The following PCDH11X variants were observed in gnomAD, a reference collection of about 807,000 sequenced individuals.
The protein encoded by PCDH11X is protocadherin 11 X-linked.
Under a neutral mutation model 53.3 loss-of-function variants are expected in PCDH11X, and 18 were observed. The ratio of observed to expected loss-of-function variants is 0.34; its 90% CI spans 0.23 to 0.50. PCDH11X has a LOEUF of 0.50. Among genes scored for constraint, PCDH11X ranks in the 20% least tolerant of loss-of-function variants. The pLI is 0.98. For missense variants in PCDH11X, 570 were observed against 1,032.4 expected (o/e 0.55, Z 6.14); for synonymous variants, 279 against 393.3 (o/e 0.71, Z 3.44).
intron 6 of PCDH11X, among the ~76,000 whole-genome samples, chrX:91,903,275 C>T (rs1201867843): frequency 2.7e-5 from 3 of 111,591 alleles, no homozygotes; most frequent in Non-Finnish European, 5.6e-5. Flanking sequence ...TCTTGTTTCA[C>T]TCAAGTCAGC....
intron 7 of PCDH11X, among the ~76,000 whole-genome samples, chrX:92,211,227 A>G (rs2066579635): frequency 9.0e-6 from 1 of 111,710 alleles, no homozygotes; most frequent in Non-Finnish European, 1.9e-5. Context: ...ATTTACAATC[A>G]TGGCAGAAAG....
chrX:91,965,416 T>C (rs1480619153), intron 6 of PCDH11X, among the ~76,000 whole-genome samples: 2 of 110,666 alleles, frequency 1.8e-5, no homozygotes, highest in Non-Finnish European at 3.8e-5. Context: ...TTGACTTCTT[T>C]TTTTTCCTTT....
intron 5 of PCDH11X, among the ~76,000 whole-genome samples, chrX:91,843,643 T>G (rs1937567031): frequency 9.0e-6 from 1 of 110,550 alleles, no homozygotes; most frequent in Non-Finnish European, 1.9e-5. Context: ...TAAGAACATT[T>G]TATCTTAAAT....
chrX:92,138,216 A>T (rs1054740537), intron 6 of PCDH11X, among the ~76,000 whole-genome samples: 24 of 110,405 alleles, frequency 2.2e-4, no homozygotes, highest in Admixed American at 7.8e-4. Context: ...ATAGTATTCC[A>T]TGGTGGATAT....
chrX:92,207,301 T>C (rs1033224065), intron 7 of PCDH11X, among the ~76,000 whole-genome samples: 5 of 111,641 alleles, frequency 4.5e-5, no homozygotes, highest in African/African-American at 1.6e-4. Context: ...CATGGAATTC[T>C]TATTTTTTTG....
chrX:92,148,132 T>TCC (rs2065353213), intron 6 of PCDH11X, among the ~76,000 whole-genome samples: 3 of 6,465 alleles, frequency 4.6e-4, no homozygotes, highest in East Asian at 0.022. Flanking sequence ...CTTTCTTTCT[T>TCC]TTTCCTTCCT....
chrX:91,839,497 G>A (rs1231212483), intron 5 of PCDH11X, among the ~76,000 whole-genome samples: 2 of 107,572 alleles, frequency 1.9e-5, no homozygotes, highest in African/African-American at 3.4e-5. Context: ...GCATGGTGGC[G>A]GGAGGCTGAG....
At chrX:92,041,825 C>T (rs1028898451) in intron 6 of PCDH11X, among the ~76,000 whole-genome samples, 3 of 110,959 alleles carry the variant, frequency 2.7e-5, no homozygotes, top group African/African-American at 9.8e-5. Context: ...AAAAGTTAGC[C>T]GGGTTTGGTG....
chrX:92,348,505 AATTATC>A (rs1470500630), intron 8 of PCDH11X, among the ~76,000 whole-genome samples: 2 of 79,058 alleles, frequency 2.5e-5, no homozygotes, highest in African/African-American at 1.0e-4. Flanking sequence ...CAAACATCAA[AATTATC>A]ATTATTATTA....
intron 9 of PCDH11X, among the ~76,000 whole-genome samples, chrX:92,437,124 A>C (rs1378172377): frequency 9.0e-6 from 1 of 110,900 alleles, no homozygotes; most frequent in African/African-American, 3.3e-5. Context: ...ATAAATATAT[A>C]CACCTACTCT....
intron 10 of PCDH11X, among the ~76,000 whole-genome samples, chrX:92,611,091 T>C (rs1420900390): frequency 9.6e-6 from 1 of 103,678 alleles, no homozygotes; most frequent in Admixed American, 1.0e-4. Flanking sequence ...TATTTTGTGG[T>C]TCCATATAAA....
intron 10 of PCDH11X, among the ~76,000 whole-genome samples, chrX:92,603,629 G>GA (rs1167044215): frequency 2.8e-4 from 27 of 97,896 alleles, no homozygotes; most frequent in African/African-American, 5.2e-4. Context: ...AGAGTCGTAA[G>GA]AAAAAAAAAA....
intron 6 of PCDH11X, among the ~76,000 whole-genome samples, chrX:92,041,377 G>A (rs2063206973): frequency 9.0e-6 from 1 of 111,647 alleles, no homozygotes; most frequent in Non-Finnish European, 1.9e-5. Context: ...TCTACGGTAA[G>A]AGAGTTTTTG....
intron 10 of PCDH11X, among the ~76,000 whole-genome samples, chrX:92,490,730 GAGAA>G (rs1273317047): frequency 2.3e-5 from 2 of 87,609 alleles, no homozygotes; most frequent in Non-Finnish European, 2.2e-5. Flanking sequence ...GAAAGAAAGA[GAGAA>G]AGAGAGAAAG....
chrX:92,380,429 C>G (rs1412771183), intron 8 of PCDH11X, among the ~76,000 whole-genome samples: 3 of 112,224 alleles, frequency 2.7e-5, no homozygotes, highest in Non-Finnish European at 3.8e-5. Context: ...AAAACTCGAG[C>G]AAAGGCACCA....
chrX:91,861,827 C>T (rs1485193808), intron 5 of PCDH11X, among the ~76,000 whole-genome samples: 3 of 111,978 alleles, frequency 2.7e-5, no homozygotes, highest in African/African-American at 9.8e-5. Context: ...GTAGGAACTT[C>T]CCTTGCCCTG....
chrX:92,175,702 G>A (rs12558816), intron 6 of PCDH11X, among the ~76,000 whole-genome samples: 50,779 of 102,345 alleles, frequency 0.5, 10,139 homozygotes, highest in Non-Finnish European at 0.6. Flanking sequence ...ATGTGTCCCT[G>A]TAACTAATAA....
chrX:92,084,566 A>G (rs1372851563), intron 6 of PCDH11X, among the ~76,000 whole-genome samples: 1 of 110,255 alleles, frequency 9.1e-6, no homozygotes, highest in Non-Finnish European at 1.9e-5. Flanking sequence ...AAATAGTCTA[A>G]TATTAACTAA....
At chrX:92,058,882 T>C (rs2063488578) in intron 6 of PCDH11X, among the ~76,000 whole-genome samples, 1 of 106,551 alleles carries the variant, frequency 9.4e-6, no homozygotes, top group South Asian at 4.8e-4. Context: ...TTGAATTTGA[T>C]ATTGTGGTTC....
Sources: gnomAD v4.1 joint callset for allele counts (sites outside exome capture counted in the v4.1 genomes callset) on GRCh38, gnomAD v4.1.1 for gene constraint, MANE v1.5 for transcripts, NCBI Gene and HGNC (gene_info 2026-07-23, HGNC 2026-07-21) for gene names.